Variants in WNT5B observed in about 807,000 individuals in gnomAD.
WNT5B encodes the protein protein Wnt-5b.
WNT5B carries 18 observed loss-of-function variants against 36.5 expected under a neutral mutation model. That is an observed-to-expected ratio of 0.49 (90% CI 0.34 to 0.73). WNT5B has a LOEUF of 0.73. WNT5B is among the 30% of genes least tolerant of loss of function. The pLI, the probability that WNT5B is intolerant of heterozygous loss-of-function variation, is 0.01. For missense variants in WNT5B, 424 were observed against 508.4 expected, an observed-to-expected ratio of 0.83 and a Z score of 1.60; for synonymous variants, 213 against 212.3, an observed-to-expected ratio of 1.00 and a Z score of -0.03.
intron 1 of WNT5B, among the ~76,000 whole-genome samples, chr12:1,620,936 C>CAG (rs2094533024): frequency 2.2e-5 from 1 of 46,266 alleles, no homozygotes. Context: ...CTCTTGACCT[C>CAG]GTAATCTGCC....
chr12:1,624,680 A>C, upstream of WNT5B, among the ~76,000 whole-genome samples: 1 of 152,218 alleles, frequency 6.6e-6, no homozygotes, highest in Non-Finnish European at 1.5e-5. Context: ...ACTGGTTATC[A>C]ATCAAAAGAC....
intron 4 of WNT5B, among the ~76,000 whole-genome samples, chr12:1,642,437 A>G (rs908435729): frequency 6.6e-6 from 1 of 152,174 alleles, no homozygotes; most frequent in Non-Finnish European, 1.5e-5. Flanking sequence ...TCCTTACTCT[A>G]TCTACCTTTG....
At chr12:1,645,485 C>T (rs2094583611) in intron 4 of WNT5B, among the ~76,000 whole-genome samples, 1 of 152,172 alleles carries the variant, frequency 6.6e-6, no homozygotes, top group Non-Finnish European at 1.5e-5. Flanking sequence ...GAAAAGGATG[C>T]ATTGATTGTA....
In WNT5B at chr12:1,623,202, T is replaced by G. The variant is rs1182676121; in HGVS notation, c.-58+6059T>G. On this transcript the variant is annotated intron_variant, in intron 1 of 4. Transcript: ENST00000310594. ...GTTTTTTGTTGTTTTTTTTTTTTTT[T>G]TTTTTTTTTTTGAGACGGAGTCTCG... Among the ~76,000 whole-genome samples the G allele has an allele frequency of 7.2e-5, 9 of 124,724 alleles. No homozygotes were observed. The East Asian group carries it at 1.3e-3, about 18-fold the overall frequency. 81.8% of individuals were successfully genotyped at this position (124,724 alleles called of 152,430 possible). A position where few individuals can be genotyped will look rare whatever the true frequency, so the allele number is the denominator to read the frequency against.
rs896000008 is a variant in WNT5B at position 1,638,867 on chromosome 12, T to A, written c.329-817T>A. 1.3e-5 allele frequency among the ~76,000 whole-genome samples: 2 copies of A among 152,316 alleles called. 1 individual carries two copies. The highest frequency in any genetic ancestry group is 4.1e-4 in the South Asian group (2 of 4,826). On this transcript the variant is annotated intron_variant, in intron 3 of 4. Transcript: ENST00000397196. ...CCTCTGCCACTGTCTAGCTAGATAA[T>A]GGCAGCAGTACCGACAGACAGATGT... is the stretch of plus-strand genomic sequence containing the variant.
In WNT5B at chr12:1,639,672, C is replaced by T. The variant is rs748709041; in HGVS notation, c.329-12C>T. ...GAGCGCACCCGCTTACCGCCCTGGC[C>T]TCATTCTGCAGGCAGCCGAGAGACC... On this transcript the variant is annotated splice_polypyrimidine_tract_variant and intron_variant, in intron 3 of 4. Transcript: ENST00000397196. 18 of 1,531,054 alleles carry T rather than the reference C, an allele frequency of 1.2e-5. No individual in the cohort carries two copies. Among genetic ancestry groups the T allele is most frequent in the Non-Finnish European group, 1.4e-5 (16 of 1,148,948 alleles). 94.8% of individuals were successfully genotyped at this position (1,531,054 alleles called of 1,614,324 possible). A position where few individuals can be genotyped will look rare whatever the true frequency, so the allele number is the denominator to read the frequency against.
rs369464409 is a variant in WNT5B, at chr12:1,639,779, G to A, written c.424G>A (p.Gly142Ser). The change falls in exon 4 of 5, where the codon GGC becomes AGC. Residue 142 changes from glycine to serine, a missense_variant. Physicochemically the swap from Gly to Ser is moderately conservative, Grantham distance 56. Coordinates refer to ENST00000397196, the MANE Select transcript of WNT5B (RefSeq NM_032642.3). ...ACREGELSTCGCSRTARPKDL... is the reference protein window; with the variant it reads ...ACREGELSTCSCSRTARPKDL... ...CCGCGAGGGCGAGCTCTCCACCTGC[G>A]GCTGCAGCCGGACGGCGCGGCCCAA... 2.5e-6 allele frequency: 4 copies of A among 1,610,152 alleles called. No homozygotes were observed. The highest frequency in any genetic ancestry group is 3.4e-6 in the Non-Finnish European group (4 of 1,178,276).
chr12:1,631,556 C>T, intron 2 of WNT5B, 122 bp downstream of exon 2: 1 of 1,466,638 alleles, frequency 6.8e-7, no homozygotes, highest in Non-Finnish European at 9.2e-7. Context: ...CTAAGGGCCT[C>T]TTTTATCCCA....
At chr12:1,625,504 C>T (rs2094539795), upstream of WNT5B, among the ~76,000 whole-genome samples, 2 of 152,180 alleles carry the variant, frequency 1.3e-5, no homozygotes, top group African/African-American at 2.4e-5. Flanking sequence ...CCTGCCCCTC[C>T]CCTGTCCCAT....
chr12:1,622,439 A>G (rs1431402109), intron 1 of WNT5B, among the ~76,000 whole-genome samples: 1 of 152,162 alleles, frequency 6.6e-6, no homozygotes, highest in African/African-American at 2.4e-5. Context: ...TTAGAAGCTG[A>G]ATGTTACTTA....
At chr12:1,623,167 C>A (rs961570629) in intron 1 of WNT5B, among the ~76,000 whole-genome samples, 2 of 141,506 alleles carry the variant, frequency 1.4e-5, no homozygotes, top group East Asian at 2.0e-4. Flanking sequence ...AGATAGGAAA[C>A]CTTTGAAGGG....
At chr12:1,626,296 T>C (rs2094540880), upstream of WNT5B, among the ~76,000 whole-genome samples, 2 of 150,376 alleles carry the variant, frequency 1.3e-5, no homozygotes, top group African/African-American at 4.9e-5. Context: ...AGAGTTTCAC[T>C]CTTGTTGCCC....
chr12:1,640,990 C>A (rs918245422), intron 4 of WNT5B, among the ~76,000 whole-genome samples: 6 of 152,318 alleles, frequency 3.9e-5, no homozygotes, highest in Non-Finnish European at 8.8e-5. Context: ...GGAAACAGCA[C>A]GGACTTCTTT....
chr12:1,617,945 C>A (rs993930553), intron 1 of WNT5B, among the ~76,000 whole-genome samples: 1 of 152,084 alleles, frequency 6.6e-6, no homozygotes, highest in Admixed American at 6.6e-5. Context: ...TCAAGACCAG[C>A]CTGGACAATA....
rs759011212 is a variant in WNT5B at position 1,646,272 on chromosome 12, G to GC, written c.*26dup. ...AAATAGCCCGGAGGGCCTGCTCCCGGCCCCCCTGCACTCTGCCTCACAAAG... is the reference window on the plus strand; with the variant it reads ...AAATAGCCCGGAGGGCCTGCTCCCGGCCCCCCCTGCACTCTGCCTCACAAAG... On this transcript the variant is annotated 3_prime_UTR_variant, in exon 5 of 5. Coordinates refer to ENST00000397196, the MANE Select transcript of WNT5B (RefSeq NM_032642.3). The GC allele has an allele frequency of 6.3e-7, 1 of 1,593,222 alleles. No homozygotes were observed. Among genetic ancestry groups the GC allele is most frequent in the Non-Finnish European group, 8.6e-7 (1 of 1,168,890 alleles).
rs971121693 is a variant in WNT5B at position 1,633,259 on chromosome 12, G to T, written c.328+354G>T. Among the ~76,000 whole-genome samples, 61 of 152,286 alleles carry T rather than the reference G, an allele frequency of 4.0e-4. 1 individual carries two copies. Among genetic ancestry groups the T allele is most frequent in the Admixed American group, 2.7e-3 (42 of 15,298 alleles). On this transcript the variant is annotated intron_variant, in intron 3 of 4. Transcript: ENST00000397196. The surrounding 1 kb of genome is among the most constrained non-coding windows in gnomAD (Gnocchi z 4.8). ...AGAGCCGCCCACCGCCACTGCCTTT[G>T]TGTCTCAGTGCAAAAAAGAGCCTTG...
chr12:1,629,107 G>C (rs1049616440), upstream of WNT5B: 1 of 152,130 alleles, frequency 6.6e-6, no homozygotes, highest in African/African-American at 2.4e-5. Context: ...CGGGGCGGGG[G>C]ATGGAGTAGA....
chr12:1,619,806 G>A (rs1342898532), intron 1 of WNT5B, among the ~76,000 whole-genome samples: 1 of 152,054 alleles, frequency 6.6e-6, no homozygotes, highest in Admixed American at 6.6e-5. Context: ...ATACCCATTG[G>A]TTTGCACAGA....
intron 3 of WNT5B, among the ~76,000 whole-genome samples, chr12:1,637,053 A>G (rs968117924): frequency 9.2e-5 from 14 of 151,842 alleles, no homozygotes; most frequent in Non-Finnish European, 5.9e-5. Context: ...GGGTACTGCT[A>G]TGTTGCCAAG....
Sources: allele counts gnomAD v4.1 joint callset (sites outside exome capture counted in the v4.1 genomes callset), GRCh38; gene constraint gnomAD v4.1.1; non-coding constraint Gnocchi (gnomAD v3.1); transcripts MANE v1.5; gene names NCBI Gene and HGNC (gene_info 2026-07-23, HGNC 2026-07-21).